CSMD1: variants seen among roughly 807,000 people sequenced by gnomAD.
The protein encoded by CSMD1 is CUB and Sushi multiple domains 1, also known as CUB and sushi domain-containing protein 1.
A neutral mutation model predicts 417.5 loss-of-function variants in CSMD1; 213 were observed. The observed-to-expected ratio is 0.51, with a 90% confidence interval of 0.46 to 0.57. The LOEUF is 0.57. Among genes scored for constraint, CSMD1 ranks in the 20% least tolerant of loss-of-function variants. The pLI is 0.00. For missense variants in CSMD1, 6,923 were observed against 4,529.7 expected, an observed-to-expected ratio of 1.53 and a Z score of -15.17; for synonymous variants, 2,862 against 1,736.8, an observed-to-expected ratio of 1.65 and a Z score of -16.11.
intron 10 of CSMD1, among the ~76,000 whole-genome samples, chr8:3,505,462 C>G (rs1796785194): frequency 6.6e-6 from 1 of 152,072 alleles, no homozygotes; most frequent in South Asian, 2.1e-4. Flanking sequence ...ACTTTCACGA[C>G]TGATTAAAGA....
intron 5 of CSMD1, among the ~76,000 whole-genome samples, chr8:3,834,409 C>T (rs1174966926): frequency 6.6e-6 from 1 of 151,874 alleles, no homozygotes; most frequent in Non-Finnish European, 1.5e-5. Context: ...AGTAAAACCC[C>T]AAATACCCCC....
chr8:3,375,007 G>C (rs941018168), intron 18 of CSMD1: 11 of 152,208 alleles, frequency 7.2e-5, no homozygotes, highest in African/African-American at 2.7e-4. Context: ...CTCCGTGTTA[G>C]AGACGGCAGT....
At chr8:4,817,811 T>G (rs1036530910) in intron 1 of CSMD1, among the ~76,000 whole-genome samples, 5 of 152,204 alleles carry the variant, frequency 3.3e-5, no homozygotes, top group Admixed American at 2.0e-4. Context: ...GATATATAAG[T>G]GCAGGGAGCT....
At chr8:3,738,070 G>C (rs983967380) in intron 6 of CSMD1, among the ~76,000 whole-genome samples, 3 of 152,194 alleles carry the variant, frequency 2.0e-5, no homozygotes, top group African/African-American at 7.2e-5. Flanking sequence ...TAATGTAAAT[G>C]ATTACTATAG....
At chr8:4,194,712 C>T (rs571014166) in intron 3 of CSMD1, among the ~76,000 whole-genome samples, 1 of 152,142 alleles carries the variant, frequency 6.6e-6, no homozygotes, top group South Asian at 2.1e-4. Flanking sequence ...TGCCAAAGTT[C>T]TTCAAATTAT....
intron 3 of CSMD1, among the ~76,000 whole-genome samples, chr8:4,310,526 TA>T (rs1376873453): frequency 7.8e-5 from 7 of 89,372 alleles, no homozygotes; most frequent in African/African-American, 1.8e-4. Flanking sequence ...TTAAATAAAA[TA>T]TCTTTGGACA....
intron 12 of CSMD1, among the ~76,000 whole-genome samples, chr8:3,425,292 G>C (rs1009920902): frequency 3.9e-5 from 6 of 152,120 alleles, no homozygotes; most frequent in African/African-American, 1.4e-4. Context: ...CCTGTATGTT[G>C]AAAATGCCCT....
chr8:3,271,320 G>T (rs1045766530), intron 26 of CSMD1, among the ~76,000 whole-genome samples: 1 of 151,790 alleles, frequency 6.6e-6, no homozygotes, highest in African/African-American at 2.4e-5. Flanking sequence ...TCTTAATCCA[G>T]TCTATCATTG....
intron 5 of CSMD1, among the ~76,000 whole-genome samples, chr8:3,785,139 T>A (rs753262628): frequency 7.9e-5 from 12 of 152,188 alleles, no homozygotes; most frequent in Non-Finnish European, 1.3e-4. Context: ...TTGGGTAAGT[T>A]CTTTAACTTC....
intron 5 of CSMD1, among the ~76,000 whole-genome samples, chr8:3,802,130 A>G (rs1159581643): frequency 6.6e-6 from 1 of 152,208 alleles, no homozygotes; most frequent in Non-Finnish European, 1.5e-5. Flanking sequence ...TAAAATAAAA[A>G]TATCCTCAGA....
chr8:4,676,285 A>C (rs1805677133), intron 1 of CSMD1, among the ~76,000 whole-genome samples: 1 of 152,066 alleles, frequency 6.6e-6, no homozygotes, highest in Admixed American at 6.6e-5. Context: ...TATTAAGATA[A>C]ATTAGCCATG....
chr8:3,214,826 A>T (rs1190138109), intron 29 of CSMD1, 135 bp from the exon 30 acceptor site: 1 of 508,390 alleles, frequency 2.0e-6, no homozygotes, highest in Admixed American at 3.9e-5. Flanking sequence ...GAAATGCTCA[A>T]AGAATATTTA....
At chr8:4,733,372 G>T (rs1381323984) in intron 1 of CSMD1, among the ~76,000 whole-genome samples, 1 of 152,168 alleles carries the variant, frequency 6.6e-6, no homozygotes, top group Non-Finnish European at 1.5e-5. Context: ...TACCCTAGCA[G>T]GTTATAGTGA....
Position 4,279,379 on chromosome 8 carries a change from G to C in CSMD1, c.415+140574C>G, listed in dbSNP as rs530492719. 1.3e-5 allele frequency among the ~76,000 whole-genome samples: 2 copies of C among 152,304 alleles called. 1 individual carries two copies. Among genetic ancestry groups the C allele is most frequent in the African/African-American group, 4.8e-5 (2 of 41,568 alleles). ...AACGGACATCTCAACAGAATGTCAA[G>C]TATCTTCCTGGATTCTGAATCACCA... On this transcript the variant is annotated intron_variant, in intron 3 of 69. Transcript: ENST00000635120.
At chr8:4,175,363 G>C (rs1010452632) in intron 3 of CSMD1, among the ~76,000 whole-genome samples, 4 of 152,206 alleles carry the variant, frequency 2.6e-5, no homozygotes, top group Middle Eastern at 3.4e-3. Context: ...CTTTTTAACA[G>C]TGTTGGGCTC....
At chr8:4,244,544 C>A (rs1032759216) in intron 3 of CSMD1, among the ~76,000 whole-genome samples, 1 of 148,604 alleles carries the variant, frequency 6.7e-6, no homozygotes, top group Non-Finnish European at 1.5e-5. Context: ...TTTCTTTTTT[C>A]TTATCAGGTT....
chr8:4,084,997 A>G (rs951606101), intron 3 of CSMD1, among the ~76,000 whole-genome samples: 3 of 150,478 alleles, frequency 2.0e-5, no homozygotes, highest in Non-Finnish European at 4.5e-5. Flanking sequence ...GGCGCGTGAC[A>G]GGGAATTTAG....
intron 1 of CSMD1, among the ~76,000 whole-genome samples, chr8:4,985,456 C>A (rs961758004): frequency 1.3e-5 from 2 of 152,164 alleles, no homozygotes. Context: ...TTCTGTTTGG[C>A]ACATGCCATA....
At chr8:4,917,887 T>C (rs184932043) in intron 1 of CSMD1, among the ~76,000 whole-genome samples, 4 of 152,220 alleles carry the variant, frequency 2.6e-5, no homozygotes, top group Non-Finnish European at 5.9e-5. Context: ...GAAGGCTAGG[T>C]ACGATTCAAA....
Sources: allele counts gnomAD v4.1 joint callset (sites outside exome capture counted in the v4.1 genomes callset), GRCh38; gene constraint gnomAD v4.1.1; transcripts MANE v1.5; gene names NCBI Gene and HGNC (gene_info 2026-07-23, HGNC 2026-07-21).